The following KIT variants were observed in gnomAD, a reference collection of about 807,000 sequenced individuals.
The protein encoded by KIT is mast/stem cell growth factor receptor Kit.
A neutral mutation model predicts 105.7 loss-of-function variants in KIT; 16 were observed. That is an observed-to-expected ratio of 0.15 (90% CI 0.10 to 0.23). The LOEUF (loss-of-function observed/expected upper bound fraction) is 0.23, where lower values mean the gene tolerates loss of function less well. KIT is among the 10% of genes least tolerant of loss of function. The pLI is 1.00. For missense variants in KIT, 858 were observed against 1,213.8 expected, an observed-to-expected ratio of 0.71 and a Z score of 4.36; for synonymous variants, 438 against 441.1, an observed-to-expected ratio of 0.99 and a Z score of 0.09.
At chr4:54,721,038 T>C (rs1352603538) in intron 7 of KIT, among the ~76,000 whole-genome samples, 1 of 152,214 alleles carries the variant, frequency 6.6e-6, no homozygotes, top group African/African-American at 2.4e-5. Context: ...GACTTGTTCC[T>C]TTGGGTGGGA....
At chr4:54,666,514 G>A (rs982639354) in intron 1 of KIT, among the ~76,000 whole-genome samples, 6 of 152,090 alleles carry the variant, frequency 3.9e-5, no homozygotes, top group East Asian at 3.8e-4. Flanking sequence ...TCTTGACCTC[G>A]TGATCCACAC....
At chr4:54,692,207 C>G (rs1367800940) in intron 1 of KIT, among the ~76,000 whole-genome samples, 1 of 152,174 alleles carries the variant, frequency 6.6e-6, no homozygotes, top group East Asian at 1.9e-4. Context: ...TCTAGACAGT[C>G]CTAACTCAAG....
intron 8 of KIT, among the ~76,000 whole-genome samples, chr4:54,724,138 C>A (rs181824886): frequency 6.6e-6 from 1 of 152,272 alleles, no homozygotes; most frequent in Non-Finnish European, 1.5e-5. Context: ...CATTTGCAAG[C>A]GACCGCTTTT....
chr4:54,706,770 AACTC>A (rs2109703816), intron 5 of KIT, among the ~76,000 whole-genome samples: 1 of 152,282 alleles, frequency 6.6e-6, no homozygotes, highest in South Asian at 2.1e-4. Context: ...TCTGTGTATG[AACTC>A]ACTATTTATT....
intron 15 of KIT, 134 bp from the exon 16 acceptor site, chr4:54,731,737 A>G: frequency 1.1e-6 from 1 of 898,356 alleles, no homozygotes; most frequent in Non-Finnish European, 1.8e-6. Context: ...TTTCCTGGAC[A>G]CCAGGGAAGT....
intron 16 of KIT, among the ~76,000 whole-genome samples, chr4:54,732,468 A>C (rs1163195613): frequency 6.6e-6 from 1 of 152,110 alleles, no homozygotes; most frequent in African/African-American, 2.4e-5. Context: ...AGTAATAAAC[A>C]CTTGGGAGAA....
intron 1 of KIT, among the ~76,000 whole-genome samples, chr4:54,686,057 A>G (rs1279231176): frequency 6.6e-6 from 1 of 152,204 alleles, no homozygotes; most frequent in East Asian, 1.9e-4. Flanking sequence ...TTTCATCAAT[A>G]AGGACACGTT....
intron 15 of KIT, 47 bp downstream of exon 15, chr4:54,731,466 A>G (rs1220035797): frequency 8.4e-7 from 1 of 1,190,394 alleles, no homozygotes; most frequent in South Asian, 1.2e-5. Context: ...TACAGAGAGT[A>G]TGTATATCAT....
At chr4:54,709,039 G>A (rs776833026) in intron 6 of KIT, among the ~76,000 whole-genome samples, 4 of 152,132 alleles carry the variant, frequency 2.6e-5, no homozygotes, top group Admixed American at 6.5e-5. Context: ...TGCATGCAGG[G>A]CAGGTGAGTT....
At chr4:54,705,013 A>C (rs1007781355) in intron 5 of KIT, among the ~76,000 whole-genome samples, 1 of 152,214 alleles carries the variant, frequency 6.6e-6, no homozygotes, top group African/African-American at 2.4e-5. Context: ...CAGCACACAG[A>C]AAGTGTACTA....
At position 54,703,823 on chromosome 4, in the gene KIT, G is replaced by A; in HGVS notation, c.856G>A (p.Gly286Arg). The A allele has an allele frequency of 6.2e-7, 1 of 1,613,862 alleles. No homozygotes were observed. Among genetic ancestry groups the A allele is most frequent in the Non-Finnish European group, 8.5e-7 (1 of 1,179,830 alleles). ...CAGTTCAGCGAGAGTTAATGATTCT[G>A]GAGTGTTCATGTGTTATGCCAATAA... ...TISSARVNDSGVFMCYANNTF... is the reference protein window; with the variant it reads ...TISSARVNDSRVFMCYANNTF... The change falls in exon 5 of 21, where the codon GGA becomes AGA. Residue 286 changes from glycine (G) to arginine (R), a missense_variant. By Grantham distance (125) the Gly-to-Arg change is moderately radical. Coordinates refer to ENST00000288135, the MANE Select transcript of KIT (RefSeq NM_000222.3).
At chr4:54,716,985 T>G (rs1721544099) in intron 7 of KIT, among the ~76,000 whole-genome samples, 1 of 152,208 alleles carries the variant, frequency 6.6e-6, no homozygotes, top group African/African-American at 2.4e-5. Flanking sequence ...ATTAATCTTT[T>G]TATAGATAAT....
chr4:54,663,960 TGG>T (rs1261155200), intron 1 of KIT, among the ~76,000 whole-genome samples: 1 of 152,138 alleles, frequency 6.6e-6, no homozygotes, highest in South Asian at 2.1e-4. Context: ...CGTTACAGGC[TGG>T]GGGTGGAGGA....
chr4:54,694,150 C>G (rs1484776244), intron 1 of KIT, among the ~76,000 whole-genome samples: 1 of 152,150 alleles, frequency 6.6e-6, no homozygotes, highest in Non-Finnish European at 1.5e-5. Context: ...CTGTCATGTG[C>G]TCCGCAAGGT....
In KIT at chr4:54,739,776, T is replaced by A. The variant is rs1723138926; in HGVS notation, c.*1219T>A. The A allele has an allele frequency of 4.3e-6, 1 of 233,412 alleles. No homozygotes were observed. The highest frequency in any genetic ancestry group is 8.5e-6 in the Non-Finnish European group (1 of 117,962). 14.5% of individuals were successfully genotyped at this position (233,412 alleles called of 1,614,324 possible). A position where few individuals can be genotyped will look rare whatever the true frequency, so the allele number is the denominator to read the frequency against. On this transcript the variant is annotated 3_prime_UTR_variant, in exon 21 of 21. Transcript: ENST00000288135. ...ACTTGGCTTTCATTATTAGTACTGC[T>A]CTTGTTTCTTTTCACATAGCTGTCT...
intron 1 of KIT, among the ~76,000 whole-genome samples, chr4:54,665,870 A>G (rs1181062640): frequency 6.6e-6 from 1 of 152,190 alleles, no homozygotes; most frequent in South Asian, 2.1e-4. Context: ...TGGCTCTATA[A>G]TATTACGGTA....
At chr4:54,680,565 A>G (rs899385735) in intron 1 of KIT, among the ~76,000 whole-genome samples, 3 of 151,092 alleles carry the variant, frequency 2.0e-5, no homozygotes, top group African/African-American at 7.3e-5. Context: ...CTAATTTTTT[A>G]TATTTTAGGT....
At chr4:54,678,324 C>T (rs1718638881) in intron 1 of KIT, among the ~76,000 whole-genome samples, 1 of 95,420 alleles carries the variant, frequency 1.0e-5, no homozygotes, top group African/African-American at 4.5e-5. Flanking sequence ...TTCCTTCCTT[C>T]CTTCCTTCCT....
At chr4:54,715,022 CA>C (rs1311680774) in intron 7 of KIT, among the ~76,000 whole-genome samples, 1 of 152,138 alleles carries the variant, frequency 6.6e-6, no homozygotes, top group Non-Finnish European at 1.5e-5. Flanking sequence ...GGTTGAGAAA[CA>C]ATTTAAGGAA....
Sources: gnomAD v4.1 joint callset for allele counts (sites outside exome capture counted in the v4.1 genomes callset) on GRCh38, gnomAD v4.1.1 for gene constraint, MANE v1.5 for transcripts, NCBI Gene and HGNC (gene_info 2026-07-23, HGNC 2026-07-21) for gene names.